The following ST8SIA1 variants were observed in gnomAD, a reference collection of about 807,000 sequenced individuals.
ST8SIA1 encodes the protein alpha-N-acetylneuraminide alpha-2,8-sialyltransferase.
In ST8SIA1, 16 loss-of-function variants were observed where a neutral mutation model predicts 35.9. The ratio of observed to expected loss-of-function variants is 0.45; its 90% CI spans 0.30 to 0.68. ST8SIA1 has a LOEUF of 0.68. Among genes scored for constraint, ST8SIA1 ranks in the 30% least tolerant of loss-of-function variants. The pLI is 0.09. For synonymous variants in ST8SIA1, 170 were observed against 169.6 expected (o/e 1.00, Z -0.02); for missense variants, 383 against 453.6 (o/e 0.84, Z 1.41).
chr12:22,193,892 T>G lies in ST8SIA1; in HGVS notation c.*7660A>C, dbSNP rs1308958873. ...TAATGTTTTAATTTTTCTATTTTCT[T>G]AACTCCAGCCTCAAACTTTGCTCTT... On this transcript the variant is annotated 3_prime_UTR_variant, in exon 5 of 5. Coordinates refer to ENST00000396037, the MANE Select transcript of ST8SIA1 (RefSeq NM_003034.4). The G allele has an allele frequency of 6.6e-6, 1 of 152,236 alleles. No homozygotes were observed. Among genetic ancestry groups the G allele is most frequent in the Non-Finnish European group, 1.5e-5 (1 of 68,034 alleles). The allele number at this position is 152,236 out of a possible 1,614,324, so 9.4% of individuals were successfully genotyped here.
chr12:22,304,226 A>G (rs1331052122), intron 1 of ST8SIA1, among the ~76,000 whole-genome samples: 1 of 152,094 alleles, frequency 6.6e-6, no homozygotes, highest in South Asian at 2.1e-4. Context: ...AGTCAGCTTA[A>G]TTACAAGCTA....
chr12:22,319,761 A>C (rs2728822), intron 1 of ST8SIA1, among the ~76,000 whole-genome samples: 83,617 of 152,048 alleles, frequency 0.55, 23,611 homozygotes, highest in Middle Eastern at 0.69. Context: ...AGGGAGGCCC[A>C]AAGAGAATCA....
chr12:22,265,385 C>T (rs1475084972), intron 2 of ST8SIA1, among the ~76,000 whole-genome samples: 1 of 152,172 alleles, frequency 6.6e-6, no homozygotes, highest in African/African-American at 2.4e-5. Context: ...TTGGAAATAC[C>T]ACTGAAAGAT....
chr12:22,327,163 A>C (rs571707627), intron 1 of ST8SIA1, among the ~76,000 whole-genome samples: 1 of 152,338 alleles, frequency 6.6e-6, no homozygotes, highest in East Asian at 1.9e-4. Flanking sequence ...TCTAATATTG[A>C]GAAGTTATCA....
At chr12:22,219,894 G>T (rs1419673411) in intron 4 of ST8SIA1, among the ~76,000 whole-genome samples, 2 of 152,076 alleles carry the variant, frequency 1.3e-5, no homozygotes, top group African/African-American at 2.4e-5. Context: ...ATTTAAAAAA[G>T]AACCAACTAC....
chr12:22,267,419 T>C (rs1865861970), intron 2 of ST8SIA1, among the ~76,000 whole-genome samples: 1 of 152,226 alleles, frequency 6.6e-6, no homozygotes, highest in South Asian at 2.1e-4. Flanking sequence ...GCAGAGAATA[T>C]TCCTTTTGGG....
rs1236136560 is a variant in ST8SIA1 at position 22,202,102 on chromosome 12, T to C, written c.585-64A>G. On this transcript the variant is annotated intron_variant, in intron 4 of 4. Transcript: ENST00000396037. ...GAAAAAGAAACTCACCAAAACCCAC[T>C]CTGTTGTCTTCTGGTGGCCCTGATA... 7.0e-6 allele frequency: 10 copies of C among 1,437,800 alleles called. No homozygotes were observed. In the African/African-American group the frequency reaches 1.3e-4, roughly 18 times the overall value. 89.1% of individuals were successfully genotyped at this position (1,437,800 alleles called of 1,614,324 possible). A position where few individuals can be genotyped will look rare whatever the true frequency, so the allele number is the denominator to read the frequency against.
In ST8SIA1 at chr12:22,312,713, GAAA is replaced by G. The variant is rs63016160; in HGVS notation, c.236+21281_236+21283del. 3.9e-5 allele frequency among the ~76,000 whole-genome samples: 4 copies of G among 103,588 alleles called. No individual in the cohort carries two copies. The South Asian group carries it at 8.8e-4, about 23-fold the overall frequency. 68.0% of individuals were successfully genotyped at this position (103,588 alleles called of 152,430 possible). A position where few individuals can be genotyped will look rare whatever the true frequency, so the allele number is the denominator to read the frequency against. Reference sequence around the variant, plus strand: ...AACCAAGTAGGGGCGTCACGGAAATGAAAAAAAAAAAAAAACAATAAATTTGTA... The same window carrying G: ...AACCAAGTAGGGGCGTCACGGAAATGAAAAAAAAAAAACAATAAATTTGTA... On this transcript the variant is annotated intron_variant, in intron 1 of 4. Coordinates refer to ENST00000396037, the MANE Select transcript of ST8SIA1 (RefSeq NM_003034.4).
intron 2 of ST8SIA1, chr12:22,286,525 C>T: frequency 1.9e-6 from 1 of 517,932 alleles, no homozygotes; most frequent in Non-Finnish European, 3.9e-6. Flanking sequence ...AACTAGGGTT[C>T]CCTAAAATAA....
At chr12:22,299,985 C>T (rs1437429293) in intron 1 of ST8SIA1, among the ~76,000 whole-genome samples, 1 of 152,108 alleles carries the variant, frequency 6.6e-6, no homozygotes, top group Non-Finnish European at 1.5e-5. Context: ...CTTTTGGTAA[C>T]AGGCCTAACA....
intron 4 of ST8SIA1, 27 bp from the exon 5 acceptor site, chr12:22,202,065 A>G (rs1180424187): frequency 9.8e-6 from 15 of 1,536,120 alleles, no homozygotes; most frequent in African/African-American, 1.4e-5. Context: ...AAACTGTTCA[A>G]TTAAACCTAG....
chr12:22,296,725 CAT>C (rs1419639814), intron 1 of ST8SIA1, among the ~76,000 whole-genome samples: 4 of 152,276 alleles, frequency 2.6e-5, no homozygotes, highest in African/African-American at 9.6e-5. Flanking sequence ...AAGTTTAAAA[CAT>C]ATGTTTGGAG....
chr12:22,251,804 C>A (rs1034954231), intron 3 of ST8SIA1, among the ~76,000 whole-genome samples: 2 of 152,180 alleles, frequency 1.3e-5, no homozygotes, highest in Non-Finnish European at 2.9e-5. Flanking sequence ...AGTGAATATT[C>A]TTTGAATTGG....
At position 22,243,164 on chromosome 12, in the gene ST8SIA1, C is replaced by T. The variant is rs957331034; in HGVS notation, c.584+5842G>A. Among the ~76,000 whole-genome samples, 38 of 152,076 alleles carry T rather than the reference C, an allele frequency of 2.5e-4. 1 individual carries two copies. The highest frequency in any genetic ancestry group is 1.9e-3 in the South Asian group (9 of 4,828). On this transcript the variant is annotated intron_variant, in intron 4 of 4. Coordinates refer to ENST00000396037, the MANE Select transcript of ST8SIA1 (RefSeq NM_003034.4). ...TTATCTTGTTACTGATATTTTCTAA[C>T]AGAATTTTACAGTGAAAACTCTTAA...
intron 2 of ST8SIA1, among the ~76,000 whole-genome samples, chr12:22,267,746 G>T (rs1354468110): frequency 6.6e-6 from 1 of 152,058 alleles, no homozygotes; most frequent in Non-Finnish European, 1.5e-5. Context: ...CATATTCTTG[G>T]TCTACTTCAG....
At chr12:22,234,291 T>G (rs1370273123) in intron 4 of ST8SIA1, among the ~76,000 whole-genome samples, 2 of 151,750 alleles carry the variant, frequency 1.3e-5, no homozygotes, top group African/African-American at 4.8e-5. Flanking sequence ...TTACTAACTA[T>G]AAAGAAAAAA....
At chr12:22,263,896 G>T (rs1431251382) in intron 2 of ST8SIA1, among the ~76,000 whole-genome samples, 1 of 152,158 alleles carries the variant, frequency 6.6e-6, no homozygotes, top group African/African-American at 2.4e-5. Context: ...AGAGTGGTCT[G>T]AAAGGCTGTC....
At chr12:22,246,413 G>A (rs1451759449) in intron 4 of ST8SIA1, among the ~76,000 whole-genome samples, 1 of 152,168 alleles carries the variant, frequency 6.6e-6, no homozygotes. Flanking sequence ...GGGTGTGATG[G>A]TGCAATATTA....
At chr12:22,258,162 G>A in intron 2 of ST8SIA1, among the ~76,000 whole-genome samples, 1 of 152,158 alleles carries the variant, frequency 6.6e-6, no homozygotes. Context: ...AATCAGCGAT[G>A]ATGCCAAGAG....
Sources: allele counts gnomAD v4.1 joint callset (sites outside exome capture counted in the v4.1 genomes callset), GRCh38; gene constraint gnomAD v4.1.1; transcripts MANE v1.5; gene names NCBI Gene and HGNC (gene_info 2026-07-23, HGNC 2026-07-21).